MAIP1: variants seen among roughly 807,000 people sequenced by gnomAD.
The protein encoded by MAIP1 is matrix AAA peptidase interacting protein 1, also known as m-AAA protease-interacting protein 1, mitochondrial.
A neutral mutation model predicts 31.2 loss-of-function variants in MAIP1; 28 were observed. That is an observed-to-expected ratio of 0.90 (90% confidence interval 0.67 to 1.23). The LOEUF is 1.23. Ranked by LOEUF, MAIP1 falls within the 50% of genes most tolerant of loss-of-function variation. The pLI, the probability that MAIP1 is intolerant of heterozygous loss-of-function variation, is 0.00. For missense variants in MAIP1, 339 were observed against 356.0 expected (o/e 0.95, Z 0.38); for synonymous variants, 142 against 142.3 (o/e 1.00, Z 0.02).
At position 199,963,716 on chromosome 2, in the gene MAIP1, T is replaced by C. The variant is rs767504569; in HGVS notation, c.798-17T>C. 41 of 1,504,292 alleles carry C rather than the reference T, an allele frequency of 2.7e-5. No homozygotes were observed. In the South Asian group the frequency reaches 4.4e-4, roughly 16 times the overall value. 93.2% of individuals were successfully genotyped at this position (1,504,292 alleles called of 1,614,324 possible). A position where few individuals can be genotyped will look rare whatever the true frequency, so the allele number is the denominator to read the frequency against. On this transcript the variant is annotated splice_polypyrimidine_tract_variant and intron_variant, in intron 4 of 4. Transcript: ENST00000392290. The stretch of plus-strand genomic sequence containing the variant: ...GGACTGATGTAAGATTTACATTATT[T>C]GCAATGTCTTTCCTAGGTTTCAGAG...
rs1254233295 is a variant in MAIP1, at chr2:199,955,864, C to T, written c.66C>T (p.Val22=). 3 of 1,532,656 alleles carry T rather than the reference C, an allele frequency of 2.0e-6. No individual in the cohort carries two copies. The highest frequency in any genetic ancestry group is 2.6e-5 in the South Asian group (2 of 77,594). The allele number at this position is 1,532,656 out of a possible 1,614,324, so 94.9% of individuals were successfully genotyped here. A position where few individuals can be genotyped will look rare whatever the true frequency, so the allele number is the denominator to read the frequency against. The change falls in exon 1 of 5, where the codon GTC becomes GTT. Residue 22 remains valine (V), a synonymous_variant. Coordinates refer to ENST00000392290, the MANE Select transcript of MAIP1 (RefSeq NM_001394955.1). ...CTCGGTCGCTGCCCTGCGGGGCCGTCCGACTCCGGACTCCTGCTGTGGCCG... is the reference window on the plus strand; with the variant it reads ...CTCGGTCGCTGCCCTGCGGGGCCGTTCGACTCCGGACTCCTGCTGTGGCCG... The part of the protein sequence containing the change: ...LHSRSLPCGA[V]RLRTPAVAEV...
chr2:199,958,507 T>A (rs1207216361), intron 1 of MAIP1, among the ~76,000 whole-genome samples: 4 of 152,186 alleles, frequency 2.6e-5, no homozygotes, highest in Admixed American at 1.3e-4. Context: ...GCTTAGATGT[T>A]TCTTCCTTTA....
chr2:199,959,965 T>G (rs2105726251), intron 3 of MAIP1, 85 bp downstream of exon 3: 1 of 1,276,058 alleles, frequency 7.8e-7, no homozygotes, highest in South Asian at 1.4e-5. Flanking sequence ...ATAGTAGAGT[T>G]TTGTCAGGAC....
chr2:199,960,557 T>G (rs2077630407), intron 3 of MAIP1, among the ~76,000 whole-genome samples: 2 of 152,238 alleles, frequency 1.3e-5, no homozygotes, highest in South Asian at 4.1e-4. Flanking sequence ...ATGTGCAGTT[T>G]TTTTCTTGTC....
intron 3 of MAIP1, among the ~76,000 whole-genome samples, chr2:199,960,732 TC>T (rs1457187058): frequency 6.6e-6 from 1 of 152,142 alleles, no homozygotes; most frequent in Non-Finnish European, 1.5e-5. Flanking sequence ...GATTTTGGTA[TC>T]CACAGGGGGG....
In MAIP1 at chr2:199,955,821, T is replaced by A; in HGVS notation, c.23T>A (p.Leu8Gln). 2 of 1,516,904 alleles carry A rather than the reference T, an allele frequency of 1.3e-6. No homozygotes were observed. Among genetic ancestry groups the A allele is most frequent in the Non-Finnish European group, 1.8e-6 (2 of 1,134,218 alleles). 94.0% of individuals were successfully genotyped at this position (1,516,904 alleles called of 1,614,324 possible). ...AAAATGGCGCTGGCCGCTCGTTTGC[T>A]ACCCCAGTTCCTGCACTCTCGGTCG... MALAARL[L>Q]PQFLHSRSLP... The change falls in exon 1 of 5, where the codon CTA becomes CAA. Residue 8 changes from leucine to glutamine, a missense_variant. Physicochemically the swap from Leu to Gln is moderately radical, Grantham distance 113. Transcript: ENST00000392290.
chr2:199,959,975 C>T, intron 3 of MAIP1, 95 bp downstream of exon 3: 3 of 1,187,778 alleles, frequency 2.5e-6, no homozygotes, highest in Non-Finnish European at 3.5e-6. Flanking sequence ...TTTGTCAGGA[C>T]AAGTATTTAT....
chr2:199,958,018 C>G (rs2077617030), intron 1 of MAIP1, among the ~76,000 whole-genome samples: 1 of 152,230 alleles, frequency 6.6e-6, no homozygotes, highest in Admixed American at 6.5e-5. Flanking sequence ...GGTCCTCCAG[C>G]TGTTAGCTAT....
At position 199,957,260 on chromosome 2, in the gene MAIP1, C is replaced by T. The variant is rs568148326; in HGVS notation, c.450+1012C>T. 5.3e-5 allele frequency among the ~76,000 whole-genome samples: 8 copies of T among 152,094 alleles called. No homozygotes were observed. The East Asian group carries it at 1.5e-3, about 29-fold the overall frequency. Reference sequence around the variant, plus strand: ...CTAAAAATACAAAAATTAGGCGTGGCGAGCCCCTGTAGTCCCACCTACTCT... The same window carrying T: ...CTAAAAATACAAAAATTAGGCGTGGTGAGCCCCTGTAGTCCCACCTACTCT... On this transcript the variant is annotated intron_variant, in intron 1 of 4. Transcript: ENST00000392290.
At chr2:199,955,402 G>C (rs2077589598), upstream of MAIP1, 1 of 1,613,702 alleles carries the variant, frequency 6.2e-7, no homozygotes. Flanking sequence ...CCTGTGGGTA[G>C]AGGTGCTGCA....
Position 199,963,792 on chromosome 2 carries a change from A to G in MAIP1, c.857A>G (p.His286Arg), listed in dbSNP as rs1490252519. 3.7e-6 allele frequency: 6 copies of G among 1,606,800 alleles called. No homozygotes were observed. Among genetic ancestry groups the G allele is most frequent in the Non-Finnish European group, 5.1e-6 (6 of 1,174,186 alleles). ...KPDWTIARIE[H>R]SKLLE is the part of the protein sequence containing the mutation. ...GACTGGACCATTGCACGGATTGAACACTCAAAATTATTAGAATAATTTTCT... is the reference window on the plus strand; with the variant it reads ...GACTGGACCATTGCACGGATTGAACGCTCAAAATTATTAGAATAATTTTCT... Residue 286 changes from histidine to arginine, a missense_variant, in exon 5 of 5, where the codon CAC becomes CGC. His to Arg is a conservative substitution (Grantham distance 29). Transcript: ENST00000392290.
In MAIP1 at chr2:199,963,763, G is replaced by A. The variant is rs542553867; in HGVS notation, c.828G>A (p.Lys276=). The A allele has an allele frequency of 6.2e-7, 1 of 1,610,158 alleles. No individual in the cohort carries two copies. The highest frequency in any genetic ancestry group is 1.7e-5 in the Admixed American group (1 of 59,920). Residue 276 remains lysine (K), a synonymous_variant, in exon 5 of 5, where the codon AAG becomes AAA. Coordinates refer to ENST00000392290, the MANE Select transcript of MAIP1 (RefSeq NM_001394955.1). The part of the protein sequence containing the change: ...EFQREFTQGV[K]PDWTIARIEH... ...AGAGGGAGTTCACACAAGGAGTAAAGCCTGACTGGACCATTGCACGGATTG... is the reference window on the plus strand; with the variant it reads ...AGAGGGAGTTCACACAAGGAGTAAAACCTGACTGGACCATTGCACGGATTG...
At chr2:199,956,689 G>A (rs1022518499) in intron 1 of MAIP1, among the ~76,000 whole-genome samples, 2 of 152,184 alleles carry the variant, frequency 1.3e-5, no homozygotes, top group African/African-American at 4.8e-5. Flanking sequence ...AAATGGGTAA[G>A]ATTGAAGAAT....
At chr2:199,961,416 A>G (rs1035674222) in intron 3 of MAIP1, among the ~76,000 whole-genome samples, 2 of 152,180 alleles carry the variant, frequency 1.3e-5, no homozygotes, top group Non-Finnish European at 2.9e-5. Flanking sequence ...GTGAGCCGAT[A>G]CTGCGCCACT....
chr2:199,959,899 C>A lies in MAIP1; in HGVS notation c.649+19C>A. ...GAGAAAGGTAATACCAGAGCATAGT[C>A]AACTTGAAATGATCCATAATTGTCC... is the stretch of plus-strand genomic sequence containing the variant. On this transcript the variant is annotated intron_variant, in intron 3 of 4. Coordinates refer to ENST00000392290, the MANE Select transcript of MAIP1 (RefSeq NM_001394955.1). 1 of 1,606,052 alleles carries A rather than the reference C, an allele frequency of 6.2e-7. No individual in the cohort carries two copies. Among genetic ancestry groups the A allele is most frequent in the South Asian group, 1.1e-5 (1 of 90,254 alleles).
intron 3 of MAIP1, among the ~76,000 whole-genome samples, chr2:199,961,396 G>A (rs1233368333): frequency 3.3e-5 from 5 of 152,058 alleles, no homozygotes; most frequent in Admixed American, 6.5e-5. Context: ...CCTGGGAGGC[G>A]GAAGTTGCAG....
chr2:199,960,134 T>C (rs1332960361), intron 3 of MAIP1, among the ~76,000 whole-genome samples: 2 of 152,246 alleles, frequency 1.3e-5, no homozygotes, highest in Non-Finnish European at 2.9e-5. Flanking sequence ...CTTACATTGA[T>C]GAAAATAGTT....
rs559169698 is a variant in MAIP1, at chr2:199,960,518, A to T, written c.649+638A>T. On this transcript the variant is annotated intron_variant, in intron 3 of 4. Transcript: ENST00000392290. ...AACCAATCTAGGGTAAAAAATATTA[A>T]AAAAAAATAGTTGCATCTGTACTTG... Among the ~76,000 whole-genome samples the T allele has an allele frequency of 1.2e-3, 189 of 152,236 alleles. 1 individual carries two copies. The highest frequency in any genetic ancestry group is 6.9e-3 in the East Asian group (36 of 5,190).
At chr2:199,957,223 A>C (rs1038723315) in intron 1 of MAIP1, among the ~76,000 whole-genome samples, 2 of 152,092 alleles carry the variant, frequency 1.3e-5, no homozygotes, top group Admixed American at 6.5e-5. Flanking sequence ...ATATGGTGAA[A>C]CAGTGTCTCT....
Sources: gnomAD v4.1 joint callset for allele counts (sites outside exome capture counted in the v4.1 genomes callset) on GRCh38, gnomAD v4.1.1 for gene constraint, MANE v1.5 for transcripts, NCBI Gene and HGNC (gene_info 2026-07-23, HGNC 2026-07-21) for gene names.